The following SLC51A variants were observed in gnomAD, a reference collection of about 807,000 sequenced individuals.
SLC51A encodes the protein solute carrier family 51 member A, also known as organic solute transporter subunit alpha.
A neutral mutation model predicts 34.8 loss-of-function variants in SLC51A; 22 were observed. The ratio of observed to expected loss-of-function variants is 0.63; its 90% confidence interval spans 0.45 to 0.90. The LOEUF (loss-of-function observed/expected upper bound fraction) is 0.90. Ranked by LOEUF, SLC51A falls within the 40% of genes least tolerant of loss-of-function variation. The pLI is 0.00. For synonymous variants in SLC51A, 181 were observed against 176.3 expected (o/e 1.03, Z -0.21); for missense variants, 371 against 414.8 (o/e 0.89, Z 0.92).
chr3:196,231,994 C>T (rs909487604), intron 7 of SLC51A, among the ~76,000 whole-genome samples: 1 of 152,204 alleles, frequency 6.6e-6, no homozygotes, highest in Non-Finnish European at 1.5e-5. Context: ...CCTGCAGTCT[C>T]TGGGATGGCA....
chr3:196,222,097 G>C (rs142676605), intron 2 of SLC51A, among the ~76,000 whole-genome samples: 70 of 152,292 alleles, frequency 4.6e-4, no homozygotes, highest in African/African-American at 1.5e-3. Flanking sequence ...AAATATGCAA[G>C]CATGGAAATA....
chr3:196,218,153 C>T (rs576828021), intron 2 of SLC51A, among the ~76,000 whole-genome samples: 1 of 152,330 alleles, frequency 6.6e-6, no homozygotes, highest in East Asian at 1.9e-4. Flanking sequence ...CGGAGAGCAA[C>T]CGTCATGTTG....
intron 2 of SLC51A, among the ~76,000 whole-genome samples, chr3:196,224,712 AT>A (rs1350159262): frequency 4.6e-4 from 24 of 52,356 alleles, no homozygotes; most frequent in East Asian, 3.3e-3. Context: ...GGGGGAGGAG[AT>A]GGGAGGGGAG....
Position 196,232,457 on chromosome 3 carries a change from C to T in SLC51A, c.819C>T (p.Phe273=). 1 of 1,614,240 alleles carries T rather than the reference C, an allele frequency of 6.2e-7. No homozygotes were observed. Among genetic ancestry groups the T allele is most frequent in the African/African-American group, 1.3e-5 (1 of 75,072 alleles). ...TGACTGCCCTACAGCCCTCCATCTT[C>T]TCAGTCTTGGCCAACGGTGGGCAGA... ...LILTALQPSI[F]SVLANGGQIA... Residue 273 remains phenylalanine (F), a synonymous_variant, in exon 8 of 9, where the codon TTC becomes TTT. Transcript: ENST00000296327.
chr3:196,221,359 T>C (rs1398102130), intron 2 of SLC51A, among the ~76,000 whole-genome samples: 1 of 152,076 alleles, frequency 6.6e-6, no homozygotes, highest in Non-Finnish European at 1.5e-5. Context: ...GCTCGAGCTC[T>C]GGGCTCAAGT....
At chr3:196,223,957 C>T (rs1191859372) in intron 2 of SLC51A, 5 of 365,434 alleles carry the variant, frequency 1.4e-5, no homozygotes, top group African/African-American at 1.2e-4. Context: ...CCTCCCAGTT[C>T]AAGCAATTCT....
intron 2 of SLC51A, among the ~76,000 whole-genome samples, chr3:196,220,315 G>A (rs1012117430): frequency 2.0e-5 from 3 of 152,212 alleles, no homozygotes; most frequent in African/African-American, 4.8e-5. Context: ...GCAGGGATGC[G>A]GCCGGACACC....
Position 196,229,983 on chromosome 3 carries a change from GACCC to G in SLC51A, c.703_706del (p.Thr235TrpfsTer30), listed in dbSNP as rs771665550. On this transcript the variant is annotated frameshift_variant, in exon 7 of 9. Coordinates refer to ENST00000296327, the MANE Select transcript of SLC51A (RefSeq NM_152672.6). LOFTEE classifies it high-confidence loss of function. Reference sequence around the variant, plus strand: ...GCGTGTCCACACTGCTGGCTCTCTGGACCCTGGGCATCATTTCCCGTCAAGCCAG... The same window carrying G: ...GCGTGTCCACACTGCTGGCTCTCTGGTGGGCATCATTTCCCGTCAAGCCAG... 1 of 1,613,928 alleles carries G rather than the reference GACCC, an allele frequency of 6.2e-7. No homozygotes were observed. The highest frequency in any genetic ancestry group is 8.5e-7 in the Non-Finnish European group (1 of 1,179,902).
At chr3:196,227,345 A>C (rs561205496) in intron 3 of SLC51A, 84 of 596,842 alleles carry the variant, frequency 1.4e-4, no homozygotes, top group Non-Finnish European at 2.3e-4. Context: ...AGATCTGCTC[A>C]GCCCACCAGC....
Position 196,228,728 on chromosome 3 carries a change from A to C in SLC51A, c.522-81A>C. The C allele has an allele frequency of 8.5e-7, 1 of 1,181,204 alleles. No homozygotes were observed. Among genetic ancestry groups the C allele is most frequent in the South Asian group, 1.2e-5 (1 of 82,002 alleles). 73.2% of individuals were successfully genotyped at this position (1,181,204 alleles called of 1,614,324 possible). A position where few individuals can be genotyped will look rare whatever the true frequency, so the allele number is the denominator to read the frequency against. On this transcript the variant is annotated intron_variant, in intron 5 of 8. Transcript: ENST00000296327. This position sits in a 1 kb window ranked among gnomAD's most constrained non-coding sequence, Gnocchi z 4.9. ...TATGACAGCAGCCGAGCCTCAGCCC[A>C]GGAGCCCTGTGAGGAGCCGGGGCGT...
At position 196,227,042 on chromosome 3, in the gene SLC51A, G is replaced by C. The variant is rs768948813; in HGVS notation, c.211G>C (p.Asp71His). 16 of 1,613,984 alleles carry C rather than the reference G, an allele frequency of 9.9e-6. No individual in the cohort carries two copies. Among genetic ancestry groups the C allele is most frequent in the Admixed American group, 6.7e-5 (4 of 59,988 alleles). Residue 71 changes from aspartate (D) to histidine (H), a missense_variant, in exon 3 of 9, where the codon GAT becomes CAT. By Grantham distance (81) the Asp-to-His change is moderately conservative. Transcript: ENST00000296327. ...ALGSIAIFLE[D>H]AVYLYKNTLC... Reference sequence around the variant, plus strand: ...GGGCTCCATTGCCATCTTCCTGGAGGATGCCGTCTACCTGTACAAGAACAC... The same window carrying C: ...GGGCTCCATTGCCATCTTCCTGGAGCATGCCGTCTACCTGTACAAGAACAC...
chr3:196,229,853 GAA>G (rs899845319), intron 6 of SLC51A, 60 bp from the exon 7 acceptor site: 2 of 1,517,250 alleles, frequency 1.3e-6, no homozygotes, highest in Non-Finnish European at 8.9e-7. Flanking sequence ...ACCATCTCTT[GAA>G]AGAGAGAGAG....
chr3:196,222,194 T>C (rs1723775351), intron 2 of SLC51A, among the ~76,000 whole-genome samples: 1 of 152,240 alleles, frequency 6.6e-6, no homozygotes, highest in South Asian at 2.1e-4. Flanking sequence ...TTTTAAAAAG[T>C]AGTCTTTGCT....
rs1211892293 is a variant in SLC51A, at chr3:196,232,940, C to T, written c.887-123C>T. The T allele has an allele frequency of 6.0e-6, 6 of 998,390 alleles. No individual in the cohort carries two copies. In the African/African-American group the frequency reaches 8.1e-5, roughly 13 times the overall value. The allele number at this position is 998,390 out of a possible 1,614,324, so 61.8% of individuals were successfully genotyped here. ...GTGTTATTTATGACAATTTCGTATCCCTAAGTCCTGATTTGGGGATAAACT... is the reference window on the plus strand; with the variant it reads ...GTGTTATTTATGACAATTTCGTATCTCTAAGTCCTGATTTGGGGATAAACT... On this transcript the variant is annotated intron_variant, in intron 8 of 8. Coordinates refer to ENST00000296327, the MANE Select transcript of SLC51A (RefSeq NM_152672.6).
Position 196,227,737 on chromosome 3 carries a change from C to G in SLC51A, c.362C>G (p.Ser121Trp), listed in dbSNP as rs746289096. 1 of 1,611,662 alleles carries G rather than the reference C, an allele frequency of 6.2e-7. No homozygotes were observed. Among genetic ancestry groups the G allele is most frequent in the Admixed American group, 1.7e-5 (1 of 59,632 alleles). The change falls in exon 4 of 9, where the codon TCG (serine) becomes TGG (tryptophan). Residue 121 changes from serine to tryptophan, a missense_variant and splice_region_variant. By Grantham distance (177) the Ser-to-Trp change is radical. Coordinates refer to ENST00000296327, the MANE Select transcript of SLC51A (RefSeq NM_152672.6). ...SLVLVEMTIT[S>W]FYAVCFYLLM... ...GTGCTGGTGGAAATGACCATCACCT[C>G]GTGAGTGCCCTGCCTCGCCCCACCT...
chr3:196,227,796 C>A, intron 4 of SLC51A, 59 bp downstream of exon 4: 3 of 1,484,792 alleles, frequency 2.0e-6, no homozygotes, highest in South Asian at 1.2e-5. Context: ...CACCAGGACT[C>A]GAGTCCGTGT....
At chr3:196,226,095 C>T (rs1428346563) in intron 2 of SLC51A, among the ~76,000 whole-genome samples, 4 of 152,098 alleles carry the variant, frequency 2.6e-5, no homozygotes, top group Non-Finnish European at 5.9e-5. Context: ...GGTGGAAGGA[C>T]TGCTTAAGCC....
intron 2 of SLC51A, among the ~76,000 whole-genome samples, chr3:196,219,997 G>C (rs1364696464): frequency 6.6e-6 from 1 of 152,262 alleles, no homozygotes; most frequent in African/African-American, 2.4e-5. Context: ...GGCAGAGTGG[G>C]GAGGATTTGG....
chr3:196,219,498 G>A (rs533672957), intron 2 of SLC51A, among the ~76,000 whole-genome samples: 10 of 152,228 alleles, frequency 6.6e-5, no homozygotes, highest in Non-Finnish European at 1.2e-4. Flanking sequence ...AGACGTGGGC[G>A]TGTCCTTGGG....
Sources: allele counts gnomAD v4.1 joint callset (sites outside exome capture counted in the v4.1 genomes callset), GRCh38; gene constraint gnomAD v4.1.1; non-coding constraint Gnocchi (gnomAD v3.1); transcripts MANE v1.5; gene names NCBI Gene and HGNC (gene_info 2026-07-23, HGNC 2026-07-21).